CALHM2: variants seen among roughly 807,000 people sequenced by gnomAD.
CALHM2 encodes calcium homeostasis modulator family member 2.
Under a neutral mutation model 20.4 loss-of-function variants are expected in CALHM2, and 18 were observed. The observed-to-expected ratio is 0.88, with a 90% CI of 0.61 to 1.31. The LOEUF is 1.31. CALHM2 is among the 50% of genes most tolerant of loss of function. The pLI is 0.00. For missense variants in CALHM2, 411 were observed against 435.7 expected, an observed-to-expected ratio of 0.94 and a Z score of 0.50; for synonymous variants, 193 against 192.1, an observed-to-expected ratio of 1.00 and a Z score of -0.04.
rs751118503 is a variant in CALHM2 at position 103,449,851 on chromosome 10, C to T, written c.91G>A (p.Gly31Ser). 1.2e-6 allele frequency: 2 copies of T among 1,613,144 alleles called. No homozygotes were observed. Among genetic ancestry groups the T allele is most frequent in the African/African-American group, 2.7e-5 (2 of 74,896 alleles). ...VMIFNGLVAL[G>S]TVGSQELFSV... Reference sequence around the variant, plus strand: ...AACAGCTCCTGGCTGCCCACCGTGCCCAGTGCCACCAGGCCGTTGAAAATC... The same window carrying T: ...AACAGCTCCTGGCTGCCCACCGTGCTCAGTGCCACCAGGCCGTTGAAAATC... The change falls in exon 3 of 4, where the codon GGC (glycine) becomes AGC (serine). Residue 31 changes from glycine to serine, a missense_variant. Gly to Ser is a moderately conservative substitution (Grantham distance 56). Coordinates refer to ENST00000260743, the MANE Select transcript of CALHM2 (RefSeq NM_015916.5).
chr10:103,448,725 A>T (rs1054325495), intron 3 of CALHM2, among the ~76,000 whole-genome samples: 1 of 151,826 alleles, frequency 6.6e-6, no homozygotes, highest in African/African-American at 2.4e-5. Flanking sequence ...TGTCTCAAAA[A>T]AAAAAAAAGA....
Position 103,452,242 on chromosome 10 carries a change from G to C in CALHM2, c.-448C>G, listed in dbSNP as rs955481909. 1 of 152,748 alleles carries C rather than the reference G, an allele frequency of 6.5e-6. No individual in the cohort carries two copies. Among genetic ancestry groups the C allele is most frequent in the African/African-American group, 2.4e-5 (1 of 41,490 alleles). The allele number at this position is 152,748 out of a possible 1,614,324, so 9.5% of individuals were successfully genotyped here. ...CTCCAGGAGGGCGGTGCAGGGCAGC[G>C]GCGGCCTCCGCCGTTCCCTCCCGCT... On this transcript the variant is annotated 5_prime_UTR_variant, in exon 1 of 4. Transcript: ENST00000260743.
Position 103,447,248 on chromosome 10 carries a change from G to T in CALHM2, c.876C>A (p.Gly292=). The T allele has an allele frequency of 6.2e-7, 1 of 1,614,210 alleles. No homozygotes were observed. Among genetic ancestry groups the T allele is most frequent in the South Asian group, 1.1e-5 (1 of 91,092 alleles). ...TGTGCAGGCGGCTGTAGAGTGGGAGGCCCTGGTTCTCACGGTACAAGTAGA... is the reference window on the plus strand; with the variant it reads ...TGTGCAGGCGGCTGTAGAGTGGGAGTCCCTGGTTCTCACGGTACAAGTAGA... ...TGVYLYRENQ[G]LPLYSRLHKW... Residue 292 remains glycine, a synonymous_variant, in exon 4 of 4, where the codon GGC becomes GGA. Transcript: ENST00000260743.
chr10:103,447,539 C>T lies in CALHM2; in HGVS notation c.585G>A (p.Val195=). 6.2e-7 allele frequency: 1 copy of T among 1,603,738 alleles called. No individual in the cohort carries two copies. The highest frequency in any genetic ancestry group is 1.7e-5 in the Admixed American group (1 of 59,438). ...QLFGWLLIGV[V]AILVFLTKCL... is the part of the protein sequence containing the mutation. ...ACTTGGTCAGGAACACCAGGATGGC[C>T]ACCACGCCGATGAGCAGCCATCCAA... The change falls in exon 4 of 4, where the codon GTG becomes GTA. Residue 195 remains valine, a synonymous_variant. Transcript: ENST00000260743.
rs139579411 is a variant in CALHM2, at chr10:103,449,409, C to G, written c.533G>C (p.Arg178Pro). The G allele has an allele frequency of 6.2e-7, 1 of 1,612,744 alleles. No individual in the cohort carries two copies. The highest frequency in any genetic ancestry group is 1.3e-5 in the African/African-American group (1 of 74,924). Reference protein sequence around the residue: ...NLSDFREEVSRRLRYESQLFG... With the variant: ...NLSDFREEVSPRLRYESQLFG... Reference sequence around the variant, plus strand: ...TACCTGGGACTCATACCTGAGCCTGCGGCTGACCTCCTCCCGGAAGTCTGA... The same window carrying G: ...TACCTGGGACTCATACCTGAGCCTGGGGCTGACCTCCTCCCGGAAGTCTGA... The change falls in exon 3 of 4, where the codon CGC becomes CCC. Residue 178 changes from arginine to proline, a missense_variant. Arg to Pro is a moderately radical substitution (Grantham distance 103). Transcript: ENST00000260743.
chr10:103,448,736 A>C (rs1034945326), intron 3 of CALHM2, among the ~76,000 whole-genome samples: 2 of 151,806 alleles, frequency 1.3e-5, no homozygotes, highest in African/African-American at 4.8e-5. Context: ...AAAAAAAAGA[A>C]AAAAAAGAAA....
At chr10:103,450,696 T>G (rs2032938709) in intron 2 of CALHM2, 1 of 152,454 alleles carries the variant, frequency 6.6e-6, no homozygotes, top group South Asian at 2.1e-4. Flanking sequence ...AAGGACATTA[T>G]CTTTTTGGAG....
chr10:103,447,501 T>C lies in CALHM2; in HGVS notation c.623A>G (p.Tyr208Cys). ...CTGGCGGTAGCTGAGTGGTGAGCAG[T>C]AATGCTTGAGGCACTTGGTCAGGAA... is the stretch of plus-strand genomic sequence containing the variant. ...LVFLTKCLKH[Y>C]CSPLSYRQEA... Residue 208 changes from tyrosine (Y) to cysteine (C), a missense_variant, in exon 4 of 4, where the codon TAC (tyrosine) becomes TGC (cysteine). Coordinates refer to ENST00000260743, the MANE Select transcript of CALHM2 (RefSeq NM_015916.5). 6.2e-7 allele frequency: 1 copy of C among 1,613,074 alleles called. No homozygotes were observed. Among genetic ancestry groups the C allele is most frequent in the Non-Finnish European group, 8.5e-7 (1 of 1,179,326 alleles).
chr10:103,449,773 C>T lies in CALHM2; in HGVS notation c.169G>A (p.Gly57Arg), dbSNP rs757916322. Reference protein sequence around the residue: ...PCSPARNYLYGLAAIGVPALV... With the variant: ...PCSPARNYLYRLAAIGVPALV... ...GCGGGCACGCCGATGGCCGCCAGCCCGTACAGGTAGTTCCGGGCCGGCGAG... is the reference window on the plus strand; with the variant it reads ...GCGGGCACGCCGATGGCCGCCAGCCTGTACAGGTAGTTCCGGGCCGGCGAG... The change falls in exon 3 of 4, where the codon GGG (glycine) becomes AGG (arginine). Residue 57 changes from glycine to arginine, a missense_variant. Transcript: ENST00000260743. 20 of 1,613,482 alleles carry T rather than the reference C, an allele frequency of 1.2e-5. No individual in the cohort carries two copies. Among genetic ancestry groups the T allele is most frequent in the Admixed American group, 1.2e-4 (7 of 60,028 alleles).
At chr10:103,447,945 T>C (rs2032747277) in intron 3 of CALHM2, among the ~76,000 whole-genome samples, 1 of 152,138 alleles carries the variant, frequency 6.6e-6, no homozygotes, top group African/African-American at 2.4e-5. Flanking sequence ...TCTGCCTTGT[T>C]TGGAGGTCAC....
chr10:103,447,053 G>GT lies in CALHM2; in HGVS notation c.*98dup. The GT allele has an allele frequency of 2.3e-6, 3 of 1,314,418 alleles. No individual in the cohort carries two copies. Among genetic ancestry groups the GT allele is most frequent in the Non-Finnish European group, 3.1e-6 (3 of 956,336 alleles). 81.4% of individuals were successfully genotyped at this position (1,314,418 alleles called of 1,614,324 possible). A position where few individuals can be genotyped will look rare whatever the true frequency, so the allele number is the denominator to read the frequency against. On this transcript the variant is annotated 3_prime_UTR_variant, in exon 4 of 4. Transcript: ENST00000260743. ...CTTTCCCCTGGCCAAGAAGATAACA[G>GT]TTTTTTAAAAATCCCCTTCTGATAT...
Position 103,450,071 on chromosome 10 carries a change from A to T in CALHM2, c.-130T>A. ...CGGCAGGGTGTGGTTGTGCTATTTTATCCCCAGCTGTGGTTGGCCTGGTGT... is the reference window on the plus strand; with the variant it reads ...CGGCAGGGTGTGGTTGTGCTATTTTTTCCCCAGCTGTGGTTGGCCTGGTGT... On this transcript the variant is annotated 5_prime_UTR_variant, in exon 3 of 4. An upstream open reading frame in the 5' UTR loses its in-frame stop. Transcript: ENST00000260743. 1 of 795,500 alleles carries T rather than the reference A, an allele frequency of 1.3e-6. No individual in the cohort carries two copies. Among genetic ancestry groups the T allele is most frequent in the East Asian group, 2.6e-5 (1 of 38,804 alleles). 49.3% of individuals were successfully genotyped at this position (795,500 alleles called of 1,614,324 possible).
intron 3 of CALHM2, among the ~76,000 whole-genome samples, 181 bp from the exon 4 acceptor site, chr10:103,447,749 G>A (rs2032734701): frequency 1.3e-5 from 2 of 152,078 alleles, no homozygotes; most frequent in South Asian, 4.2e-4. Flanking sequence ...CTTAGCCTGC[G>A]TTTTCTGCTG....
chr10:103,450,039 C>T lies in CALHM2; in HGVS notation c.-98G>A, dbSNP rs1486758353. 2.2e-5 allele frequency: 25 copies of T among 1,115,586 alleles called. No homozygotes were observed. The highest frequency in any genetic ancestry group is 2.0e-4 in the Middle Eastern group (1 of 4,880). The allele number at this position is 1,115,586 out of a possible 1,614,324, so 69.1% of individuals were successfully genotyped here. ...CTAGGAAGGGGCACAGGCTGGGAGGCGCTGGACGGCAGGGTGTGGTTGTGC... is the reference window on the plus strand; with the variant it reads ...CTAGGAAGGGGCACAGGCTGGGAGGTGCTGGACGGCAGGGTGTGGTTGTGC... On this transcript the variant is annotated 5_prime_UTR_variant, in exon 3 of 4. Coordinates refer to ENST00000260743, the MANE Select transcript of CALHM2 (RefSeq NM_015916.5).
Position 103,449,409 on chromosome 10 carries a change from C to A in CALHM2, c.533G>T (p.Arg178Leu). Residue 178 changes from arginine to leucine, a missense_variant, in exon 3 of 4, where the codon CGC (arginine) becomes CTC (leucine). Physicochemically the swap from Arg to Leu is moderately radical, Grantham distance 102. Coordinates refer to ENST00000260743, the MANE Select transcript of CALHM2 (RefSeq NM_015916.5). ...NLSDFREEVSRRLRYESQLFG... is the reference protein window; with the variant it reads ...NLSDFREEVSLRLRYESQLFG... ...TACCTGGGACTCATACCTGAGCCTG[C>A]GGCTGACCTCCTCCCGGAAGTCTGA... The A allele has an allele frequency of 6.2e-7, 1 of 1,612,862 alleles. No individual in the cohort carries two copies. The highest frequency in any genetic ancestry group is 8.5e-7 in the Non-Finnish European group (1 of 1,179,956).
Position 103,447,179 on chromosome 10 carries a change from G to C in CALHM2, c.945C>G (p.Asn315Lys). 6.2e-7 allele frequency: 1 copy of C among 1,611,608 alleles called. No homozygotes were observed. The highest frequency in any genetic ancestry group is 1.7e-4 in the Middle Eastern group (1 of 6,046). Residue 315 changes from asparagine to lysine, a missense_variant, in exon 4 of 4, where the codon AAC becomes AAG. Asn to Lys is a moderately conservative substitution (Grantham distance 94, BLOSUM62 0). Coordinates refer to ENST00000260743, the MANE Select transcript of CALHM2 (RefSeq NM_015916.5). ...GLAGNGAAPD[N>K]VEMALLPS ...AGGAGGGGAGCAGGGCCATCTCCAC[G>C]TTGTCAGGGGCCGCGCCGTTGCCTG... is the stretch of plus-strand genomic sequence containing the variant.
In CALHM2 at chr10:103,449,696, G is replaced by C; in HGVS notation, c.246C>G (p.Leu82=). The C allele has an allele frequency of 6.2e-7, 1 of 1,613,794 alleles. No homozygotes were observed. Reference sequence around the variant, plus strand: ...TCCTCCGGTGCTGGCACTCGGCCACGAGGTTCCAGGTGTGGTTGTTGAGGA... The same window carrying C: ...TCCTCCGGTGCTGGCACTCGGCCACCAGGTTCCAGGTGTGGTTGTTGAGGA... ...GIILNNHTWN[L]VAECQHRRTK... The change falls in exon 3 of 4, where the codon CTC becomes CTG. Residue 82 remains leucine (L), a synonymous_variant. Coordinates refer to ENST00000260743, the MANE Select transcript of CALHM2 (RefSeq NM_015916.5).
intron 3 of CALHM2, among the ~76,000 whole-genome samples, chr10:103,448,774 AC>A (rs1448981549): frequency 6.6e-6 from 1 of 150,856 alleles, no homozygotes; most frequent in Non-Finnish European, 1.5e-5. Context: ...TCTCTCCCTC[AC>A]CCCCTGCTTC....
At position 103,447,177 on chromosome 10, in the gene CALHM2, A is replaced by G. The variant is rs765595514; in HGVS notation, c.947T>C (p.Val316Ala). ...LAGNGAAPDNVEMALLPS is the reference protein window; with the variant it reads ...LAGNGAAPDNAEMALLPS Reference sequence around the variant, plus strand: ...TTAGGAGGGGAGCAGGGCCATCTCCACGTTGTCAGGGGCCGCGCCGTTGCC... The same window carrying G: ...TTAGGAGGGGAGCAGGGCCATCTCCGCGTTGTCAGGGGCCGCGCCGTTGCC... The change falls in exon 4 of 4, where the codon GTG becomes GCG. Residue 316 changes from valine to alanine, a missense_variant. Val to Ala is a moderately conservative substitution (Grantham distance 64). Transcript: ENST00000260743. 1.9e-6 allele frequency: 3 copies of G among 1,611,596 alleles called. No individual in the cohort carries two copies. The highest frequency in any genetic ancestry group is 8.5e-7 in the Non-Finnish European group (1 of 1,178,300).
Sources: gnomAD v4.1 joint callset for allele counts (sites outside exome capture counted in the v4.1 genomes callset) on GRCh38, gnomAD v4.1.1 for gene constraint, MANE v1.5 for transcripts, NCBI Gene and HGNC (gene_info 2026-07-23, HGNC 2026-07-21) for gene names.